The following NCALD variants were observed in gnomAD, a reference collection of about 807,000 sequenced individuals.
NCALD encodes the protein neurocalcin-delta.
A neutral mutation model predicts 18.6 loss-of-function variants in NCALD; 10 were observed. The ratio of observed to expected loss-of-function variants is 0.54; its 90% CI spans 0.33 to 0.91. NCALD has a LOEUF of 0.91. Ranked by LOEUF, NCALD falls within the 40% of genes least tolerant of loss-of-function variation. The pLI is 0.03. For missense variants in NCALD, 184 were observed against 247.6 expected (o/e 0.74, Z 1.72); for synonymous variants, 88 against 87.4 (o/e 1.01, Z -0.04).
intron 4 of NCALD, among the ~76,000 whole-genome samples, chr8:101,819,070 T>A (rs1431396012): frequency 6.6e-6 from 1 of 152,106 alleles, no homozygotes; most frequent in Admixed American, 6.6e-5. Flanking sequence ...AAGTTTCTTC[T>A]TTGGGAATAA....
chr8:101,743,599 C>A (rs1810304520), intron 1 of NCALD, among the ~76,000 whole-genome samples: 2 of 152,190 alleles, frequency 1.3e-5, no homozygotes, highest in African/African-American at 4.8e-5. Flanking sequence ...TCCTCTTGAA[C>A]TTTCCCTGCC....
At chr8:101,906,276 A>T (rs748994016) in intron 3 of NCALD, among the ~76,000 whole-genome samples, 30 of 152,218 alleles carry the variant, frequency 2.0e-4, no homozygotes, top group Non-Finnish European at 3.4e-4. Flanking sequence ...TCTGATATAT[A>T]GTCTCCAAAC....
intron 2 of NCALD, among the ~76,000 whole-genome samples, chr8:101,926,755 C>T (rs1362419331): frequency 6.6e-6 from 1 of 152,144 alleles, no homozygotes; most frequent in East Asian, 1.9e-4. Flanking sequence ...AGAAATGCCA[C>T]TTGTATCATG....
intron 4 of NCALD, among the ~76,000 whole-genome samples, chr8:101,797,227 T>C (rs1812670199): frequency 6.6e-6 from 1 of 152,178 alleles, no homozygotes; most frequent in South Asian, 2.1e-4. Flanking sequence ...TCTCAAATGT[T>C]TGGGGTTTGC....
At chr8:102,017,297 A>T (rs1165506140) in intron 2 of NCALD, among the ~76,000 whole-genome samples, 1 of 152,190 alleles carries the variant, frequency 6.6e-6, no homozygotes, top group African/African-American at 2.4e-5. Context: ...AAGACATAAA[A>T]ATTACCTCAA....
At chr8:102,104,018 C>A (rs1825369532) in intron 1 of NCALD, among the ~76,000 whole-genome samples, 1 of 152,160 alleles carries the variant, frequency 6.6e-6, no homozygotes, top group African/African-American at 2.4e-5. Context: ...TACAAATACA[C>A]ACACGCATAC....
intron 2 of NCALD, among the ~76,000 whole-genome samples, chr8:101,921,174 A>AGT (rs1240190403): frequency 3.9e-5 from 6 of 152,094 alleles, no homozygotes; most frequent in African/African-American, 1.4e-4. Flanking sequence ...TACCTCTGAG[A>AGT]GTGCCAGTCT....
chr8:101,709,023 G>T (rs1815660683), intron 2 of NCALD, among the ~76,000 whole-genome samples: 1 of 152,182 alleles, frequency 6.6e-6, no homozygotes, highest in South Asian at 2.1e-4. Context: ...CTTAAACAAA[G>T]AATTGGATAA....
At chr8:101,977,640 C>G (rs1820471892) in intron 2 of NCALD, among the ~76,000 whole-genome samples, 2 of 152,224 alleles carry the variant, frequency 1.3e-5, no homozygotes, top group Admixed American at 1.3e-4. Flanking sequence ...CACTCAAGGA[C>G]AACTCCACCA....
At chr8:101,701,440 A>G (rs762511607) in intron 2 of NCALD, among the ~76,000 whole-genome samples, 16 of 152,184 alleles carry the variant, frequency 1.1e-4, no homozygotes, top group Non-Finnish European at 2.2e-4. Context: ...GTAAATGCAG[A>G]GCTTTGGGAC....
intron 2 of NCALD, among the ~76,000 whole-genome samples, chr8:101,992,547 C>T (rs1262403157): frequency 6.6e-6 from 1 of 152,182 alleles, no homozygotes; most frequent in Non-Finnish European, 1.5e-5. Flanking sequence ...GGCTCACACC[C>T]CAGCTTTGCC....
chr8:101,896,386 A>T (rs1054840050), intron 3 of NCALD, among the ~76,000 whole-genome samples: 1 of 152,140 alleles, frequency 6.6e-6, no homozygotes, highest in Non-Finnish European at 1.5e-5. Flanking sequence ...AAAGATTTAA[A>T]CGTTAGACCT....
chr8:101,754,354 C>G (rs1187030382), intron 1 of NCALD, among the ~76,000 whole-genome samples: 1 of 152,128 alleles, frequency 6.6e-6, no homozygotes, highest in Admixed American at 6.6e-5. Flanking sequence ...TCTATTGGTG[C>G]TGCTATAACA....
chr8:101,822,408 G>T (rs1308547672), intron 4 of NCALD, among the ~76,000 whole-genome samples: 2 of 152,122 alleles, frequency 1.3e-5, no homozygotes, highest in African/African-American at 2.4e-5. Flanking sequence ...TCGATTGCCT[G>T]TTTGGTTTCA....
At chr8:101,846,179 G>C (rs1216440837) in intron 4 of NCALD, among the ~76,000 whole-genome samples, 2 of 152,048 alleles carry the variant, frequency 1.3e-5, no homozygotes, top group Non-Finnish European at 2.9e-5. Context: ...CCTTTCTTTT[G>C]GATCAGCAGT....
At chr8:102,058,125 G>A (rs920921215) in intron 1 of NCALD, among the ~76,000 whole-genome samples, 5 of 152,216 alleles carry the variant, frequency 3.3e-5, no homozygotes, top group African/African-American at 1.2e-4. Flanking sequence ...AACTGGGAAA[G>A]CAGCTAAAAG....
At chr8:101,695,419 T>C (rs1080953) in intron 2 of NCALD, among the ~76,000 whole-genome samples, 2,708 of 152,252 alleles carry the variant, frequency 0.018, 78 homozygotes, top group African/African-American at 0.061. Flanking sequence ...TGCCTGTGAC[T>C]GGCCATAGGA....
Position 101,706,793 on chromosome 8 carries a change from C to T in NCALD, c.378+12459G>A, listed in dbSNP as rs545389378. Among the ~76,000 whole-genome samples the T allele has an allele frequency of 6.6e-5, 10 of 152,290 alleles. No individual in the cohort carries two copies. The East Asian group carries it at 9.6e-4, about 15-fold the overall frequency. Reference sequence around the variant, plus strand: ...GAATGTCAAGGATTGCCAATAAGCACGAGAAGCTAGGAAGCACTCATTCAT... The same window carrying T: ...GAATGTCAAGGATTGCCAATAAGCATGAGAAGCTAGGAAGCACTCATTCAT... On this transcript the variant is annotated intron_variant, in intron 2 of 3. Coordinates refer to ENST00000220931, the MANE Select transcript of NCALD (RefSeq NM_032041.3).
At chr8:101,881,962 A>G (rs747115964) in intron 4 of NCALD, among the ~76,000 whole-genome samples, 1 of 152,184 alleles carries the variant, frequency 6.6e-6, no homozygotes, top group Admixed American at 6.5e-5. Context: ...ATTGATTAAG[A>G]TGCACTAAAG....
Sources: gnomAD v4.1 joint callset for allele counts (sites outside exome capture counted in the v4.1 genomes callset) on GRCh38, gnomAD v4.1.1 for gene constraint, MANE v1.5 for transcripts, NCBI Gene and HGNC (gene_info 2026-07-23, HGNC 2026-07-21) for gene names.